ZFAT: variants seen among roughly 807,000 people sequenced by gnomAD.
ZFAT encodes the protein zinc finger protein ZFAT.
ZFAT carries 64 observed loss-of-function variants against 117.7 expected under a neutral mutation model. That is an observed-to-expected ratio of 0.54 (90% CI 0.44 to 0.67). The LOEUF is 0.67. ZFAT is among the 30% of genes least tolerant of loss of function. The probability of loss-of-function intolerance (pLI) is 0.00; values close to 1 mark genes in which losing one functional copy is unlikely to be tolerated. For synonymous variants in ZFAT, 679 were observed against 615.0 expected, an observed-to-expected ratio of 1.10 and a Z score of -1.54; for missense variants, 1,433 against 1,584.5, an observed-to-expected ratio of 0.90 and a Z score of 1.62.
chr8:134,660,848 T>C (rs1442747829), intron 1 of ZFAT, among the ~76,000 whole-genome samples: 1 of 152,224 alleles, frequency 6.6e-6, no homozygotes, highest in South Asian at 2.1e-4. Context: ...TGTTGGAGAC[T>C]ACTGGAAATA....
At chr8:134,831,237 GT>G in the ZFAT span, among the ~76,000 whole-genome samples, 1 of 152,168 alleles carries the variant, frequency 6.6e-6, no homozygotes, top group Non-Finnish European at 1.5e-5. Context: ...AGAATTTTGT[GT>G]ATATTATTTG....
the ZFAT span, among the ~76,000 whole-genome samples, chr8:134,774,219 A>T: frequency 6.6e-6 from 1 of 151,770 alleles, no homozygotes; most frequent in South Asian, 2.1e-4. Flanking sequence ...CTGGTCTCGA[A>T]CTCCTGACTT....
intron 11 of ZFAT, among the ~76,000 whole-genome samples, chr8:134,558,598 T>C (rs932823382): frequency 1.3e-5 from 2 of 151,920 alleles, no homozygotes; most frequent in Non-Finnish European, 2.9e-5. Context: ...ATATTTAGAG[T>C]GAGCTATTTT....
intron 12 of ZFAT, among the ~76,000 whole-genome samples, chr8:134,522,325 G>C (rs142162157): frequency 1.6e-3 from 241 of 152,266 alleles, no homozygotes; most frequent in African/African-American, 5.5e-3. Flanking sequence ...AACATCCATT[G>C]ACTTTAAGGC....
chr8:134,781,185 G>A, the ZFAT span, among the ~76,000 whole-genome samples: 6 of 152,018 alleles, frequency 3.9e-5, no homozygotes, highest in South Asian at 2.1e-4. Flanking sequence ...GAGTGCAGTC[G>A]CATGACTGTG....
intron 2 of ZFAT, among the ~76,000 whole-genome samples, chr8:134,651,284 T>C (rs780166991): frequency 1.3e-5 from 2 of 152,178 alleles, no homozygotes; most frequent in Non-Finnish European, 2.9e-5. Flanking sequence ...AACTCAAATG[T>C]CTATCAAAAG....
At chr8:134,647,659 T>C (rs1830979669) in intron 2 of ZFAT, among the ~76,000 whole-genome samples, 1 of 152,326 alleles carries the variant, frequency 6.6e-6, no homozygotes, top group Non-Finnish European at 1.5e-5. Context: ...TTTTGGATAA[T>C]GTATAAAGTT....
intron 10 of ZFAT, 123 bp from the exon 11 acceptor site, chr8:134,565,544 G>A: frequency 1.1e-6 from 1 of 923,930 alleles, no homozygotes; most frequent in Non-Finnish European, 1.7e-6. Context: ...CAGAATCTCA[G>A]AAGGGAACAG....
At chr8:134,588,108 T>G (rs1170510745) in intron 9 of ZFAT, 138 bp downstream of exon 9, 4 of 1,040,984 alleles carry the variant, frequency 3.8e-6, no homozygotes, top group Non-Finnish European at 5.4e-6. Context: ...AGCTGGTTGA[T>G]GGACACATCT....
At chr8:134,648,851 T>C (rs1052777288) in intron 2 of ZFAT, among the ~76,000 whole-genome samples, 5 of 152,066 alleles carry the variant, frequency 3.3e-5, no homozygotes, top group African/African-American at 1.2e-4. Context: ...ATATCTCTTA[T>C]GAATATAAAT....
chr8:134,832,062 C>A, the ZFAT span, among the ~76,000 whole-genome samples: 1 of 149,734 alleles, frequency 6.7e-6, no homozygotes, highest in Non-Finnish European at 1.5e-5. Flanking sequence ...GCCCCGCGCC[C>A]CGAGCCCGAG....
the ZFAT span, among the ~76,000 whole-genome samples, chr8:134,830,240 T>C: frequency 2.0e-5 from 3 of 152,200 alleles, no homozygotes; most frequent in African/African-American, 7.2e-5. Flanking sequence ...CTTTTCAGGT[T>C]GTAACAATTA....
Position 134,637,585 on chromosome 8 carries a change from C to G in ZFAT, c.324G>C (p.Gly108=), listed in dbSNP as rs778657448. 1 of 1,614,242 alleles carries G rather than the reference C, an allele frequency of 6.2e-7. No homozygotes were observed. The highest frequency in any genetic ancestry group is 8.5e-7 in the Non-Finnish European group (1 of 1,180,048). ...CCAAGCTGCTTGGAGGCAGGCTGTT[C>G]CCTTCCTCCGGAGCCAGCGGGCTGT... ...TEDSPLAPEE[G]NSLPPSSLEC... The change falls in exon 3 of 16, where the codon GGG becomes GGC. Residue 108 remains glycine, a synonymous_variant. Coordinates refer to ENST00000377838, the MANE Select transcript of ZFAT (RefSeq NM_020863.4).
chr8:134,725,400 G>A, the ZFAT span, among the ~76,000 whole-genome samples: 2 of 152,182 alleles, frequency 1.3e-5, no homozygotes, highest in Non-Finnish European at 2.9e-5. Flanking sequence ...TTCTGGGGAA[G>A]CCTCAGGAAA....
the ZFAT span, chr8:134,796,084 T>C: frequency 4.6e-5 from 7 of 152,272 alleles, no homozygotes; most frequent in Non-Finnish European, 7.3e-5. Flanking sequence ...AGAAGCTCCG[T>C]GACCCTTCTC....
the ZFAT span, among the ~76,000 whole-genome samples, chr8:134,744,729 T>C: frequency 7.4e-6 from 1 of 135,318 alleles, no homozygotes; most frequent in East Asian, 2.2e-4. Context: ...CTACTCTCCT[T>C]TTTTTTTTTT....
rs200174150 is a variant in ZFAT at position 134,602,730 on chromosome 8, T to C, written c.989A>G (p.Tyr330Cys). 10 of 1,613,766 alleles carry C rather than the reference T, an allele frequency of 6.2e-6. 1 individual carries two copies. In the Middle Eastern group the frequency reaches 6.6e-4, roughly 106 times the overall value. ...CTTGCTCAGGCAGGTGAACGAGCAA[T>C]AGTCGCAGGCGAACTTCTCTCCAGT... Reference protein sequence around the residue: ...KHTGEKFACDYCSFTCLSKGH... With the variant: ...KHTGEKFACDCCSFTCLSKGH... The change falls in exon 6 of 16, where the codon TAT becomes TGT. Residue 330 changes from tyrosine (Y) to cysteine (C), a missense_variant. Transcript: ENST00000377838.
At chr8:134,706,616 T>C (rs762405944) in intron 1 of ZFAT, among the ~76,000 whole-genome samples, 8 of 152,018 alleles carry the variant, frequency 5.3e-5, no homozygotes, top group Non-Finnish European at 2.9e-5. Flanking sequence ...TGCTGGAACC[T>C]GGGAGGAGGA....
chr8:134,504,754 C>T (rs1403992639), intron 15 of ZFAT, among the ~76,000 whole-genome samples: 1 of 152,190 alleles, frequency 6.6e-6, no homozygotes, highest in East Asian at 1.9e-4. Flanking sequence ...AGAGACCAGG[C>T]TGAGATACTT....
Sources: gnomAD v4.1 joint callset for allele counts (sites outside exome capture counted in the v4.1 genomes callset) on GRCh38, gnomAD v4.1.1 for gene constraint, MANE v1.5 for transcripts, NCBI Gene and HGNC (gene_info 2026-07-23, HGNC 2026-07-21) for gene names.